NHSL2: variants seen among roughly 807,000 people sequenced by gnomAD.
The protein encoded by NHSL2 is NHS like 2.
NHSL2 carries 27 observed loss-of-function variants against 53.4 expected under a neutral mutation model. The ratio of observed to expected loss-of-function variants is 0.51; its 90% CI spans 0.37 to 0.70. NHSL2 has a LOEUF of 0.70. Ranked by LOEUF, NHSL2 falls within the 30% of genes least tolerant of loss-of-function variation. The pLI, the probability that NHSL2 is intolerant of heterozygous loss-of-function variation, is 0.00. For synonymous variants in NHSL2, 408 were observed against 404.1 expected (o/e 1.01, Z -0.12); for missense variants, 892 against 980.1 (o/e 0.91, Z 1.20).
At chrX:72,094,979 C>A (rs2041931855) in intron 1 of NHSL2, among the ~76,000 whole-genome samples, 1 of 112,180 alleles carries the variant, frequency 8.9e-6, no homozygotes, top group Non-Finnish European at 1.9e-5. Context: ...ATGCCTCCTG[C>A]TAACAGTGTT....
intron 1 of NHSL2, among the ~76,000 whole-genome samples, chrX:72,087,378 C>T (rs1283446550): frequency 8.9e-6 from 1 of 112,365 alleles, no homozygotes; most frequent in African/African-American, 3.2e-5. Flanking sequence ...GAAATTACTA[C>T]TTATCAGTTA....
intron 1 of NHSL2, among the ~76,000 whole-genome samples, chrX:71,999,147 G>A (rs931478612): frequency 9.0e-6 from 1 of 111,407 alleles, no homozygotes; most frequent in African/African-American, 3.3e-5. Flanking sequence ...GCCAGAATTT[G>A]GCCCTCCCAC....
At chrX:71,928,360 G>T (rs1382485077) in intron 1 of NHSL2, among the ~76,000 whole-genome samples, 1 of 112,103 alleles carries the variant, frequency 8.9e-6, no homozygotes, top group Admixed American at 9.4e-5. Context: ...GGAAATATGG[G>T]TCTCACCCAG....
intron 2 of NHSL2, 127 bp downstream of exon 2, chrX:72,132,361 A>C: frequency 1.5e-6 from 1 of 645,534 alleles, no homozygotes; most frequent in Non-Finnish European, 2.3e-6. Context: ...ACAATCGACA[A>C]AGCAGTTTCC....
chrX:72,111,697 C>T (rs1413912573), intron 1 of NHSL2, among the ~76,000 whole-genome samples: 1 of 111,814 alleles, frequency 8.9e-6, no homozygotes, highest in African/African-American at 3.3e-5. Flanking sequence ...CATACTCACA[C>T]TCAGTCCTCC....
intron 1 of NHSL2, among the ~76,000 whole-genome samples, chrX:72,113,758 T>C (rs144129695): frequency 1.8e-5 from 2 of 112,519 alleles, no homozygotes; most frequent in East Asian, 5.6e-4. Flanking sequence ...CTCTCCTGGT[T>C]TGAACCTGAT....
intron 1 of NHSL2, chrX:72,129,908 T>C (rs1162499854): frequency 8.3e-7 from 1 of 1,209,096 alleles, no homozygotes; most frequent in Non-Finnish European, 1.1e-6. Context: ...GGGGGGCGTC[T>C]TCGAACTTGG....
At chrX:72,055,116 C>A (rs145667831) in intron 1 of NHSL2, among the ~76,000 whole-genome samples, 97 of 111,755 alleles carry the variant, frequency 8.7e-4, no homozygotes, top group African/African-American at 3.0e-3. Context: ...AGATGTCACT[C>A]CATTTCCAGT....
intron 1 of NHSL2, among the ~76,000 whole-genome samples, chrX:72,032,893 G>A (rs959607197): frequency 1.8e-5 from 2 of 111,661 alleles, no homozygotes; most frequent in Non-Finnish European, 3.8e-5. Context: ...AATCAGTTGG[G>A]CATATTTTGT....
rs58935869 is a variant in NHSL2, at chrX:71,942,972, C to CTGTGTGTGTGTG, written c.280+31629_280+31640dup. ...GCTCTCTCTCTCTCTCTCTCTCTCT[C>CTGTGTGTGTGTG]TGTGTGTGTGTGTGTGTGTGTGTGT... is the stretch of plus-strand genomic sequence containing the variant. On this transcript the variant is annotated intron_variant, in intron 1 of 7. Coordinates refer to ENST00000633930, the MANE Select transcript of NHSL2 (RefSeq NM_001013627.3). Among the ~76,000 whole-genome samples, 229 of 74,018 alleles carry CTGTGTGTGTGTG rather than the reference C, an allele frequency of 3.1e-3. 1 individual carries two copies. Among genetic ancestry groups the CTGTGTGTGTGTG allele is most frequent in the South Asian group, 9.4e-3 (10 of 1,069 alleles). The allele number at this position is 74,018 out of a possible 115,157, so 64.3% of individuals were successfully genotyped here.
At chrX:72,055,866 C>T (rs1348923987) in intron 1 of NHSL2, among the ~76,000 whole-genome samples, 1 of 112,577 alleles carries the variant, frequency 8.9e-6, no homozygotes, top group Non-Finnish European at 1.9e-5. Context: ...AAAGATGTCA[C>T]CTTTTTAGTC....
chrX:72,073,461 C>T (rs1051930686), intron 1 of NHSL2, among the ~76,000 whole-genome samples: 1 of 111,986 alleles, frequency 8.9e-6, no homozygotes, highest in African/African-American at 3.2e-5. Flanking sequence ...GAGGGGGATG[C>T]ATGCTAGCGC....
chrX:72,068,956 G>C lies in NHSL2; in HGVS notation c.281-63123G>C, dbSNP rs1038995901. ...CTGCAGCCTGACAGCTTTGTGCTCTGCCCAAATTTTCCCAGATTTCTGTTG... is the reference window on the plus strand; with the variant it reads ...CTGCAGCCTGACAGCTTTGTGCTCTCCCCAAATTTTCCCAGATTTCTGTTG... On this transcript the variant is annotated intron_variant, in intron 1 of 7. Transcript: ENST00000633930. Among the ~76,000 whole-genome samples, 54 of 112,655 alleles carry C rather than the reference G, an allele frequency of 4.8e-4. No individual in the cohort carries two copies. The Middle Eastern group carries it at 0.019, about 39-fold the overall frequency.
chrX:72,074,858 G>A (rs1010601043), intron 1 of NHSL2, among the ~76,000 whole-genome samples: 1 of 112,462 alleles, frequency 8.9e-6, no homozygotes, highest in Non-Finnish European at 1.9e-5. Flanking sequence ...AGAGAACTGT[G>A]GAAAAATCAA....
chrX:72,100,371 G>A (rs1440696442), intron 1 of NHSL2, among the ~76,000 whole-genome samples: 1 of 112,388 alleles, frequency 8.9e-6, no homozygotes, highest in African/African-American at 3.2e-5. Flanking sequence ...GTTGTAACAC[G>A]ATGGTACTTA....
At chrX:71,982,363 G>A (rs1010521524) in intron 1 of NHSL2, among the ~76,000 whole-genome samples, 3 of 111,939 alleles carry the variant, frequency 2.7e-5, no homozygotes, top group African/African-American at 6.5e-5. Context: ...GTTTCTTTTG[G>A]GGGGTGTGAT....
At chrX:72,112,737 T>C (rs891717098) in intron 1 of NHSL2, among the ~76,000 whole-genome samples, 1 of 111,787 alleles carries the variant, frequency 8.9e-6, no homozygotes, top group East Asian at 2.8e-4. Context: ...TTACCCAGGC[T>C]GGAGTGCAGA....
chrX:71,978,731 C>T (rs2041960021), intron 1 of NHSL2, among the ~76,000 whole-genome samples: 1 of 95,954 alleles, frequency 1.0e-5, no homozygotes, highest in Non-Finnish European at 2.1e-5. Context: ...TGTTGCCTCT[C>T]ATTTTACTAC....
intron 1 of NHSL2, among the ~76,000 whole-genome samples, chrX:71,912,809 T>C (rs1478541499): frequency 1.8e-5 from 2 of 111,601 alleles, no homozygotes; most frequent in East Asian, 5.6e-4. Flanking sequence ...GTTTTCAAAA[T>C]CCCTACACAG....
Sources: gnomAD v4.1 joint callset for allele counts (sites outside exome capture counted in the v4.1 genomes callset) on GRCh38, gnomAD v4.1.1 for gene constraint, MANE v1.5 for transcripts, NCBI Gene and HGNC (gene_info 2026-07-23, HGNC 2026-07-21) for gene names.